The following MTHFD2L variants were observed in gnomAD, a reference collection of about 807,000 sequenced individuals.
MTHFD2L encodes the protein methylenetetrahydrofolate dehydrogenase (NADP+ dependent) 2 like.
A neutral mutation model predicts 34.9 loss-of-function variants in MTHFD2L; 29 were observed. That is an observed-to-expected ratio of 0.83 (90% CI 0.62 to 1.13). The LOEUF (loss-of-function observed/expected upper bound fraction) is 1.13. MTHFD2L is among the 50% of genes most tolerant of loss of function. The pLI, the probability that MTHFD2L is intolerant of heterozygous loss-of-function variation, is 0.00. For synonymous variants in MTHFD2L, 167 were observed against 155.7 expected, an observed-to-expected ratio of 1.07 and a Z score of -0.54; for missense variants, 481 against 446.5, an observed-to-expected ratio of 1.08 and a Z score of -0.70.
chr4:74,158,864 G>A (rs943103118), intron 1 of MTHFD2L, among the ~76,000 whole-genome samples: 3 of 152,132 alleles, frequency 2.0e-5, no homozygotes, highest in Admixed American at 1.3e-4. Flanking sequence ...TTGCTGGCAA[G>A]AACCATGCAA....
intron 7 of MTHFD2L, among the ~76,000 whole-genome samples, chr4:74,298,461 C>T (rs950182228): frequency 4.6e-5 from 7 of 152,004 alleles, no homozygotes; most frequent in African/African-American, 1.7e-4. Flanking sequence ...CATGTAGTAT[C>T]TCATTCCCAT....
rs954818416 is a variant in MTHFD2L, at chr4:74,186,187, A to T, written c.451+10784A>T. On this transcript the variant is annotated intron_variant, in intron 3 of 7. Coordinates refer to ENST00000325278, the MANE Select transcript of MTHFD2L (RefSeq NM_001144978.3). ...GGATAAATTTCATCATTAATTCCTGATGAGAAACTTTCAAGTAACTAATAA... is the reference window on the plus strand; with the variant it reads ...GGATAAATTTCATCATTAATTCCTGTTGAGAAACTTTCAAGTAACTAATAA... 2.0e-5 allele frequency among the ~76,000 whole-genome samples: 3 copies of T among 152,218 alleles called. No individual in the cohort carries two copies. In the South Asian group the frequency reaches 6.2e-4, roughly 32 times the overall value.
intron 6 of MTHFD2L, among the ~76,000 whole-genome samples, chr4:74,228,603 T>C (rs892696832): frequency 6.6e-6 from 1 of 152,210 alleles, no homozygotes; most frequent in South Asian, 2.1e-4. Context: ...AACACTGATA[T>C]TCTCTTGTAA....
At chr4:74,230,591 GA>G (rs11324931) in intron 6 of MTHFD2L, among the ~76,000 whole-genome samples, 119,654 of 129,064 alleles carry the variant, frequency 0.93, 55,539 homozygotes, top group Non-Finnish European at 0.98. Flanking sequence ...CTCTGTCTCA[GA>G]AAAAAAAAAA....
chr4:74,267,243 A>T, intron 6 of MTHFD2L: 1 of 984,878 alleles, frequency 1.0e-6, no homozygotes, highest in South Asian at 4.7e-5. Context: ...CCCCAAGTGC[A>T]TTGGTGTCTG....
intron 6 of MTHFD2L, among the ~76,000 whole-genome samples, chr4:74,230,003 G>A (rs548023477): frequency 1.1e-4 from 17 of 152,196 alleles, no homozygotes; most frequent in African/African-American, 3.9e-4. Context: ...ACACATAGTG[G>A]TTGCCCAGTA....
intron 6 of MTHFD2L, among the ~76,000 whole-genome samples, chr4:74,260,117 C>T (rs1331555331): frequency 1.3e-5 from 2 of 152,202 alleles, no homozygotes; most frequent in African/African-American, 2.4e-5. Context: ...TTCTCTGTGT[C>T]AACTCAATTG....
At chr4:74,145,229 G>A (rs1723522084) in intron 1 of MTHFD2L, among the ~76,000 whole-genome samples, 1 of 150,134 alleles carries the variant, frequency 6.7e-6, no homozygotes, top group African/African-American at 2.4e-5. Flanking sequence ...ACCAACTAGG[G>A]GTTGAAAATA....
At chr4:74,195,002 G>T (rs1396670215) in intron 3 of MTHFD2L, 4 of 152,226 alleles carry the variant, frequency 2.6e-5, no homozygotes, top group Non-Finnish European at 5.9e-5. Flanking sequence ...TCTTTTAACA[G>T]TGAGAATGTG....
At chr4:74,268,206 A>G (rs889492963) in intron 6 of MTHFD2L, 3 of 982,592 alleles carry the variant, frequency 3.1e-6, no homozygotes, top group African/African-American at 3.6e-5. Context: ...TGTAGGCTCT[A>G]TTTATCTAGG....
At chr4:74,215,877 T>C (rs1274109074) in intron 5 of MTHFD2L, among the ~76,000 whole-genome samples, 1 of 151,616 alleles carries the variant, frequency 6.6e-6, no homozygotes, top group Non-Finnish European at 1.5e-5. Context: ...ATAATGGTGC[T>C]GAATGTACGT....
chr4:74,231,187 A>C (rs1739994364), intron 6 of MTHFD2L, among the ~76,000 whole-genome samples: 2 of 152,168 alleles, frequency 1.3e-5, no homozygotes, highest in South Asian at 4.1e-4. Flanking sequence ...ACTTGTCATA[A>C]AGTACAAAGT....
At chr4:74,274,318 C>T (rs1746348948) in intron 6 of MTHFD2L, among the ~76,000 whole-genome samples, 1 of 151,842 alleles carries the variant, frequency 6.6e-6, no homozygotes, top group Non-Finnish European at 1.5e-5. Context: ...TCTGGTCAAT[C>T]AAAGGATTCC....
chr4:74,291,003 C>CTTTTTT (rs10585551), intron 7 of MTHFD2L, among the ~76,000 whole-genome samples: 359 of 29,288 alleles, frequency 0.012, 59 homozygotes, highest in Admixed American at 0.018. Flanking sequence ...TTTTCCTTTT[C>CTTTTTT]TTTTTTTTTT....
chr4:74,142,972 C>G (rs1299045264), intron 1 of MTHFD2L, among the ~76,000 whole-genome samples: 2 of 152,178 alleles, frequency 1.3e-5, no homozygotes, highest in Non-Finnish European at 2.9e-5. Context: ...AAGGTGTTGT[C>G]TGAAATCACC....
chr4:74,256,825 T>C (rs9994571), intron 6 of MTHFD2L, among the ~76,000 whole-genome samples: 4,320 of 152,330 alleles, frequency 0.028, 158 homozygotes, highest in African/African-American at 0.082. Flanking sequence ...ACCAGCATCA[T>C]GCTGTTTGGG....
intron 1 of MTHFD2L, among the ~76,000 whole-genome samples, chr4:74,139,723 T>A (rs1236554929): frequency 6.6e-6 from 1 of 152,238 alleles, no homozygotes; most frequent in Non-Finnish European, 1.5e-5. Context: ...TGGGATATTG[T>A]TGGTGATAAA....
intron 6 of MTHFD2L, chr4:74,267,786 T>C (rs1459884460): frequency 8.1e-6 from 8 of 985,186 alleles, no homozygotes; most frequent in African/African-American, 1.7e-5. Flanking sequence ...CACAGGTCCA[T>C]TGACTTTGCA....
intron 6 of MTHFD2L, among the ~76,000 whole-genome samples, chr4:74,273,810 C>A (rs1440369703): frequency 6.6e-6 from 1 of 152,150 alleles, no homozygotes; most frequent in Non-Finnish European, 1.5e-5. Flanking sequence ...CTCAGCCCCC[C>A]ATGGCCTGAT....
Sources: allele counts gnomAD v4.1 joint callset (sites outside exome capture counted in the v4.1 genomes callset), GRCh38; gene constraint gnomAD v4.1.1; transcripts MANE v1.5; gene names NCBI Gene and HGNC (gene_info 2026-07-23, HGNC 2026-07-21).